The following ZNF804B variants were observed in gnomAD, a reference collection of about 807,000 sequenced individuals.
The protein encoded by ZNF804B is zinc finger protein 804B.
ZNF804B carries 80 observed loss-of-function variants against 101.4 expected under a neutral mutation model. That is an observed-to-expected ratio of 0.79 (90% confidence interval 0.66 to 0.95). The LOEUF (loss-of-function observed/expected upper bound fraction) is 0.95, where lower values mean the gene tolerates loss of function less well. Ranked by LOEUF, ZNF804B falls within the 40% of genes least tolerant of loss-of-function variation. ZNF804B has a pLI of 0.00. For synonymous variants in ZNF804B, 622 were observed against 558.8 expected (o/e 1.11, Z -1.59); for missense variants, 1,673 against 1,561.9 (o/e 1.07, Z -1.20).
At chr7:88,806,133 C>T (rs10230831) in intron 1 of ZNF804B, among the ~76,000 whole-genome samples, 63,976 of 151,750 alleles carry the variant, frequency 0.42, 14,344 homozygotes, top group East Asian at 0.79. Context: ...CTATATCCCT[C>T]CCACTGTTCA....
intron 2 of ZNF804B, among the ~76,000 whole-genome samples, chr7:89,272,311 AATTT>A (rs1313129513): frequency 6.6e-6 from 1 of 152,060 alleles, no homozygotes; most frequent in Non-Finnish European, 1.5e-5. Flanking sequence ...GATCATACTT[AATTT>A]ATTTTTGTTT....
Position 88,778,573 on chromosome 7 carries a change from A to G in ZNF804B, c.108+18489A>G, listed in dbSNP as rs190230023. ...TTAAAACAAAATTACTCTTCCAACAAATATTCTTCCCCCTTGGTTGGGGAC... is the reference window on the plus strand; with the variant it reads ...TTAAAACAAAATTACTCTTCCAACAGATATTCTTCCCCCTTGGTTGGGGAC... On this transcript the variant is annotated intron_variant, in intron 1 of 3. Transcript: ENST00000333190. Among the ~76,000 whole-genome samples, 32 of 152,218 alleles carry G rather than the reference A, an allele frequency of 2.1e-4. No individual in the cohort carries two copies. The East Asian group carries it at 5.6e-3, about 27-fold the overall frequency.
chr7:88,890,122 G>A (rs1470925769), intron 1 of ZNF804B, among the ~76,000 whole-genome samples: 1 of 151,992 alleles, frequency 6.6e-6, no homozygotes, highest in Non-Finnish European at 1.5e-5. Flanking sequence ...AGAAATTTAC[G>A]TGAAGACAGT....
rs138397928 is a variant in ZNF804B, at chr7:89,301,166, C to T, written c.250-26178C>T. 2.0e-3 allele frequency among the ~76,000 whole-genome samples: 240 copies of T among 118,438 alleles called. 2 individuals carry two copies. The Middle Eastern group carries it at 0.028, about 14-fold the overall frequency. The allele number at this position is 118,438 out of a possible 152,430, so 77.7% of individuals were successfully genotyped here. On this transcript the variant is annotated intron_variant, in intron 2 of 3. Transcript: ENST00000333190. Reference sequence around the variant, plus strand: ...TTCCGCAACAGTAACAATGCATCAACAAAAAATTCTGATAGATACCTTAAA... The same window carrying T: ...TTCCGCAACAGTAACAATGCATCAATAAAAAATTCTGATAGATACCTTAAA...
intron 1 of ZNF804B, among the ~76,000 whole-genome samples, chr7:88,773,071 A>G (rs982104388): frequency 1.3e-5 from 2 of 152,212 alleles, no homozygotes; most frequent in Admixed American, 1.3e-4. Flanking sequence ...TACCTGGAGT[A>G]ATTAAATTAG....
chr7:89,061,827 C>T (rs1431731397), intron 1 of ZNF804B, among the ~76,000 whole-genome samples: 1 of 152,066 alleles, frequency 6.6e-6, no homozygotes, highest in African/African-American at 2.4e-5. Context: ...CAGGATGTCT[C>T]ACAAACAACG....
chr7:89,240,303 G>T (rs193169404), intron 2 of ZNF804B, among the ~76,000 whole-genome samples: 1 of 152,028 alleles, frequency 6.6e-6, no homozygotes, highest in African/African-American at 2.4e-5. Context: ...TTGTGGGTTA[G>T]GTCTGATACT....
At chr7:89,201,518 C>G (rs1040678798) in intron 1 of ZNF804B, among the ~76,000 whole-genome samples, 7 of 151,826 alleles carry the variant, frequency 4.6e-5, no homozygotes, top group Non-Finnish European at 1.0e-4. Context: ...CCGAGACTTC[C>G]AAGAAGCAGA....
At chr7:88,935,426 G>C (rs1037026343) in intron 1 of ZNF804B, among the ~76,000 whole-genome samples, 1 of 151,060 alleles carries the variant, frequency 6.6e-6, no homozygotes, top group South Asian at 2.1e-4. Flanking sequence ...GCTCACAGCT[G>C]CAATCTTAGC....
chr7:89,137,938 G>T (rs904633031), intron 1 of ZNF804B, among the ~76,000 whole-genome samples: 1 of 152,074 alleles, frequency 6.6e-6, no homozygotes, highest in African/African-American at 2.4e-5. Context: ...GGTGCCCTGT[G>T]TCCAGGCTAC....
chr7:89,024,322 A>G (rs568002977), intron 1 of ZNF804B, among the ~76,000 whole-genome samples: 5 of 152,124 alleles, frequency 3.3e-5, no homozygotes, highest in African/African-American at 7.2e-5. Flanking sequence ...ACTCATGTCA[A>G]CTTATTATGG....
chr7:89,299,980 T>C (rs1790450032), intron 2 of ZNF804B, among the ~76,000 whole-genome samples: 1 of 151,814 alleles, frequency 6.6e-6, no homozygotes, highest in Admixed American at 6.6e-5. Context: ...TTCCCAACAA[T>C]TAATTCTGCT....
chr7:88,800,177 T>C (rs1790556435), intron 1 of ZNF804B, among the ~76,000 whole-genome samples: 1 of 151,948 alleles, frequency 6.6e-6, no homozygotes, highest in Admixed American at 6.6e-5. Context: ...TATAATAAGC[T>C]ATTGAGTAGA....
chr7:88,878,924 C>T (rs1403551347), intron 1 of ZNF804B, among the ~76,000 whole-genome samples: 5 of 152,082 alleles, frequency 3.3e-5, no homozygotes, highest in African/African-American at 7.2e-5. Flanking sequence ...CAGTTATGCC[C>T]AAATACCTTA....
chr7:89,191,956 T>G (rs1788461564), intron 1 of ZNF804B, among the ~76,000 whole-genome samples: 2 of 152,240 alleles, frequency 1.3e-5, no homozygotes, highest in South Asian at 4.1e-4. Flanking sequence ...ATAATTTTCA[T>G]TTTTTGAATG....
chr7:89,007,446 T>TTTTATATATATA (rs1457924197), intron 1 of ZNF804B, among the ~76,000 whole-genome samples: 1 of 57,198 alleles, frequency 1.7e-5, no homozygotes, highest in Admixed American at 2.8e-4. Context: ...ATCCATGATT[T>TTTTATATATATA]TATATATATA....
intron 1 of ZNF804B, among the ~76,000 whole-genome samples, chr7:89,052,289 C>T (rs1478496307): frequency 6.6e-6 from 1 of 152,028 alleles, no homozygotes; most frequent in Non-Finnish European, 1.5e-5. Context: ...AGGTGTGTGC[C>T]ACCATTCCCA....
At chr7:88,912,615 T>A (rs1201108027) in intron 1 of ZNF804B, among the ~76,000 whole-genome samples, 1 of 152,146 alleles carries the variant, frequency 6.6e-6, no homozygotes, top group African/African-American at 2.4e-5. Flanking sequence ...CATATTTATC[T>A]CCAAAGTTTA....
rs866803799 is a variant in ZNF804B, at chr7:89,336,424, A to G, written c.3442A>G (p.Ile1148Val). 6.2e-7 allele frequency: 1 copy of G among 1,614,016 alleles called. No homozygotes were observed. The highest frequency in any genetic ancestry group is 1.3e-5 in the African/African-American group (1 of 74,920). Residue 1148 changes from isoleucine (I) to valine (V), a missense_variant, in exon 4 of 4, where the codon ATA becomes GTA. Transcript: ENST00000333190. ...CTCTCCCCCTTTAATTCAACAGCCC[A>G]TAACATTTTCTCCTGACGAAATAGA... ...SISPPLIQQP[I>V]TFSPDEIDKY...
Sources: allele counts gnomAD v4.1 joint callset (sites outside exome capture counted in the v4.1 genomes callset), GRCh38; gene constraint gnomAD v4.1.1; transcripts MANE v1.5; gene names NCBI Gene and HGNC (gene_info 2026-07-23, HGNC 2026-07-21).